CDH4: variants seen among roughly 807,000 people sequenced by gnomAD.
The protein encoded by CDH4 is cadherin-4.
In CDH4, 33 loss-of-function variants were observed where a neutral mutation model predicts 86.0. That is an observed-to-expected ratio of 0.38 (90% CI 0.29 to 0.51). CDH4 has a LOEUF of 0.51. Ranked by LOEUF, CDH4 falls within the 20% of genes least tolerant of loss-of-function variation. The pLI is 0.86. For synonymous variants in CDH4, 555 were observed against 549.4 expected, an observed-to-expected ratio of 1.01 and a Z score of -0.14; for missense variants, 1,114 against 1,307.4, an observed-to-expected ratio of 0.85 and a Z score of 2.28.
At chr20:61,332,301 T>G (rs1352780332) in intron 2 of CDH4, among the ~76,000 whole-genome samples, 1 of 152,160 alleles carries the variant, frequency 6.6e-6, no homozygotes, top group African/African-American at 2.4e-5. Context: ...TGGCTATGGA[T>G]TCAGAGCTGG....
chr20:61,822,491 G>T (rs540367898), intron 4 of CDH4, among the ~76,000 whole-genome samples: 4 of 152,022 alleles, frequency 2.6e-5, no homozygotes, highest in African/African-American at 9.7e-5. Context: ...CGCAGCGAAG[G>T]TGTGGTTCGG....
chr20:61,626,986 C>A (rs1400948075), intron 2 of CDH4, among the ~76,000 whole-genome samples: 1 of 152,138 alleles, frequency 6.6e-6, no homozygotes, highest in Admixed American at 6.5e-5. Context: ...TACCCTGGCT[C>A]ACACGGTGGC....
intron 2 of CDH4, among the ~76,000 whole-genome samples, chr20:61,331,967 G>A (rs13042752): frequency 0.13 from 19,602 of 152,190 alleles, 1,611 homozygotes; most frequent in East Asian, 0.32. Flanking sequence ...CCACAGGGAA[G>A]GGAGCTGTGC....
intron 3 of CDH4, among the ~76,000 whole-genome samples, chr20:61,768,244 G>A (rs1022564510): frequency 5.9e-5 from 9 of 152,194 alleles, no homozygotes; most frequent in Non-Finnish European, 2.9e-5. Flanking sequence ...CTGTGCATGT[G>A]TAGAATGCAT....
chr20:61,267,273 G>A (rs1031036614), intron 2 of CDH4, among the ~76,000 whole-genome samples: 2 of 152,078 alleles, frequency 1.3e-5, no homozygotes, highest in African/African-American at 4.8e-5. Context: ...ACTGTGACCT[G>A]GGACTCTGCT....
intron 4 of CDH4, among the ~76,000 whole-genome samples, chr20:61,836,676 A>G (rs1430264708): frequency 1.3e-5 from 2 of 152,238 alleles, no homozygotes; most frequent in Non-Finnish European, 2.9e-5. Context: ...TGGGGGGAAA[A>G]CAAGTGAGAA....
intron 2 of CDH4, among the ~76,000 whole-genome samples, chr20:61,586,810 G>C (rs1404290120): frequency 6.6e-6 from 1 of 152,304 alleles, no homozygotes; most frequent in Non-Finnish European, 1.5e-5. Context: ...GACACACACA[G>C]AGAGAGACAG....
At chr20:61,396,476 T>C (rs1009387374) in intron 2 of CDH4, among the ~76,000 whole-genome samples, 7 of 152,200 alleles carry the variant, frequency 4.6e-5, no homozygotes, top group African/African-American at 1.7e-4. Flanking sequence ...GTTCTGCGCA[T>C]AGACCACCTG....
At chr20:61,404,396 G>C (rs1466534878) in intron 2 of CDH4, among the ~76,000 whole-genome samples, 2 of 152,190 alleles carry the variant, frequency 1.3e-5, no homozygotes, top group Non-Finnish European at 2.9e-5. Context: ...CACAATGGTA[G>C]AGTGCTTTTG....
intron 2 of CDH4, among the ~76,000 whole-genome samples, chr20:61,632,942 C>A (rs1265232622): frequency 6.7e-6 from 1 of 149,364 alleles, no homozygotes; most frequent in East Asian, 2.0e-4. Flanking sequence ...CTCTATCCAT[C>A]TTCTTATCCT....
chr20:61,365,049 A>G (rs1205205649), intron 2 of CDH4, among the ~76,000 whole-genome samples: 1 of 152,192 alleles, frequency 6.6e-6, no homozygotes, highest in Non-Finnish European at 1.5e-5. Context: ...ATTCCAAGAT[A>G]TGGAATGGAT....
At chr20:61,383,329 A>AAT (rs374148660) in intron 2 of CDH4, among the ~76,000 whole-genome samples, 1 of 79,862 alleles carries the variant, frequency 1.3e-5, no homozygotes, top group East Asian at 2.7e-4. Flanking sequence ...GATATATATG[A>AAT]ATATATGTGA....
chr20:61,920,999 T>C (rs1395470718), intron 9 of CDH4, among the ~76,000 whole-genome samples: 1 of 148,504 alleles, frequency 6.7e-6, no homozygotes, highest in African/African-American at 2.5e-5. Context: ...GGTGTCGTGA[T>C]TGCATGGAAG....
intron 2 of CDH4, among the ~76,000 whole-genome samples, chr20:61,310,706 G>T (rs922963783): frequency 6.6e-6 from 1 of 152,166 alleles, no homozygotes; most frequent in Non-Finnish European, 1.5e-5. Flanking sequence ...TGTTCTGGGG[G>T]CTGGAAGTCT....
At chr20:61,631,371 A>T (rs1374370265) in intron 2 of CDH4, among the ~76,000 whole-genome samples, 2 of 152,222 alleles carry the variant, frequency 1.3e-5, no homozygotes, top group Admixed American at 1.3e-4. Context: ...GGCTGGGTGC[A>T]GTGGCTCACA....
chr20:61,900,138 G>A (rs1412606387), intron 8 of CDH4, among the ~76,000 whole-genome samples: 14 of 152,316 alleles, frequency 9.2e-5, no homozygotes, highest in African/African-American at 2.9e-4. Context: ...CTGACCCAGG[G>A]CAGCTCTCGC....
At chr20:61,764,170 A>G (rs538924526) in intron 3 of CDH4, among the ~76,000 whole-genome samples, 2 of 152,344 alleles carry the variant, frequency 1.3e-5, no homozygotes, top group South Asian at 2.1e-4. Context: ...TGTGGCCCCA[A>G]GAAGCCGGCA....
chr20:61,565,170 G>GTA lies in CDH4; in HGVS notation c.170-178393_170-178392insTA, dbSNP rs1555809040. 3.9e-5 allele frequency among the ~76,000 whole-genome samples: 5 copies of GTA among 127,140 alleles called. 1 individual carries two copies. The highest frequency in any genetic ancestry group is 8.4e-5 in the Non-Finnish European group (5 of 59,202). 83.4% of individuals were successfully genotyped at this position (127,140 alleles called of 152,430 possible). ...GTTGGTAGTGGTCCTCTTGGTGATG[G>GTA]GGTGGTGGTGGTGGTGGTCCTCTTG... On this transcript the variant is annotated intron_variant, in intron 2 of 15. Transcript: ENST00000614565.
intron 4 of CDH4, among the ~76,000 whole-genome samples, chr20:61,835,505 T>G (rs969572897): frequency 6.6e-6 from 1 of 152,030 alleles, no homozygotes; most frequent in Admixed American, 6.5e-5. Flanking sequence ...GTCGGCTTCT[T>G]TGCTAATGAT....
Sources: gnomAD v4.1 joint callset for allele counts (sites outside exome capture counted in the v4.1 genomes callset) on GRCh38, gnomAD v4.1.1 for gene constraint, MANE v1.5 for transcripts, NCBI Gene and HGNC (gene_info 2026-07-23, HGNC 2026-07-21) for gene names.